The following ARMH4 variants were observed in gnomAD, a reference collection of about 807,000 sequenced individuals.
ARMH4 encodes armadillo-like helical domain-containing protein 4.
ARMH4 carries 49 observed loss-of-function variants against 61.9 expected under a neutral mutation model. The observed-to-expected ratio is 0.79, with a 90% CI of 0.63 to 1.00. ARMH4 has a LOEUF of 1.00. Ranked by LOEUF, ARMH4 falls within the 50% of genes least tolerant of loss-of-function variation. ARMH4 has a pLI of 0.00. For missense variants in ARMH4, 934 were observed against 930.0 expected (o/e 1.00, Z -0.06); for synonymous variants, 368 against 341.5 (o/e 1.08, Z -0.85).
At chr14:58,103,842 G>A (rs1157197040) in intron 4 of ARMH4, among the ~76,000 whole-genome samples, 2 of 152,094 alleles carry the variant, frequency 1.3e-5, no homozygotes, top group Non-Finnish European at 2.9e-5. Flanking sequence ...TAAAACAATT[G>A]TGACTATATA....
chr14:58,002,687 T>C lies in ARMH4; in HGVS notation c.*2049A>G, dbSNP rs1373046159. 2 of 152,222 alleles carry C rather than the reference T, an allele frequency of 1.3e-5. No individual in the cohort carries two copies. Among genetic ancestry groups the C allele is most frequent in the African/African-American group, 2.4e-5 (1 of 41,464 alleles). 9.4% of individuals were successfully genotyped at this position (152,222 alleles called of 1,614,324 possible). ...ACACCATGCTCACTTACTCCCAACC[T>C]TAGAAACACTTACAGCAAAGGGCTG... is the stretch of plus-strand genomic sequence containing the variant. On this transcript the variant is annotated 3_prime_UTR_variant, in exon 8 of 8. Coordinates refer to ENST00000267485, the MANE Select transcript of ARMH4 (RefSeq NM_001001872.4).
intron 4 of ARMH4, among the ~76,000 whole-genome samples, chr14:58,104,346 C>G (rs926667896): frequency 2.0e-5 from 3 of 152,236 alleles, no homozygotes; most frequent in African/African-American, 7.2e-5. Flanking sequence ...CTTCACCCTT[C>G]AGCACTAAGC....
intron 4 of ARMH4, among the ~76,000 whole-genome samples, chr14:58,109,073 T>C (rs924332416): frequency 1.2e-4 from 18 of 152,348 alleles, no homozygotes; most frequent in African/African-American, 3.4e-4. Context: ...TTATCAGTTA[T>C]ATGGATTACA....
chr14:58,007,494 T>C (rs1252624543), intron 6 of ARMH4, among the ~76,000 whole-genome samples: 1 of 152,220 alleles, frequency 6.6e-6, no homozygotes, highest in Non-Finnish European at 1.5e-5. Flanking sequence ...ATCTCTCTTT[T>C]TTGTCTCCTC....
rs750946240 is a variant in ARMH4, at chr14:58,138,250, G to C, written c.1109C>G (p.Pro370Arg). 1 of 1,614,190 alleles carries C rather than the reference G, an allele frequency of 6.2e-7. No homozygotes were observed. Among genetic ancestry groups the C allele is most frequent in the South Asian group, 1.1e-5 (1 of 91,084 alleles). Reference sequence around the variant, plus strand: ...TGTGCCCGTGTGTGTTTCCCCTTCAGGCAGCCCCAGAGCCACCTGTGCAGC... The same window carrying C: ...TGTGCCCGTGTGTGTTTCCCCTTCACGCAGCCCCAGAGCCACCTGTGCAGC... ...TEAAQVALGL[P>R]EGETHTGTAL... Residue 370 changes from proline (P) to arginine (R), a missense_variant, in exon 2 of 8, where the codon CCT becomes CGT. By Grantham distance (103) the Pro-to-Arg change is moderately radical. Transcript: ENST00000267485.
At chr14:58,009,308 A>G (rs537152267) in intron 6 of ARMH4, among the ~76,000 whole-genome samples, 14 of 152,244 alleles carry the variant, frequency 9.2e-5, no homozygotes, top group Middle Eastern at 3.4e-3. Flanking sequence ...CCTCCCTTTT[A>G]AAAAGAAAGG....
At position 58,142,476 on chromosome 14, in the gene ARMH4, CTTTTCTTTTCTT is replaced by C. The variant is rs767835847; in HGVS notation, c.-56-3074_-56-3063del. Among the ~76,000 whole-genome samples, 44 of 151,832 alleles carry C rather than the reference CTTTTCTTTTCTT, an allele frequency of 2.9e-4. No homozygotes were observed. The Middle Eastern group carries it at 0.01, about 35-fold the overall frequency. ...TTTCTTTTCTTTTCTTTTCTCTTCT[CTTTTCTTTTCTT>C]TTTTCTTTTCTTTTTGAGATGGAGT... On this transcript the variant is annotated intron_variant, in intron 1 of 7. Coordinates refer to ENST00000267485, the MANE Select transcript of ARMH4 (RefSeq NM_001001872.4).
chr14:58,004,907 G>A, intron 7 of ARMH4, 103 bp from the exon 8 acceptor site: 6 of 1,516,850 alleles, frequency 4.0e-6, no homozygotes, highest in South Asian at 1.2e-5. Flanking sequence ...AGCCAAGGCA[G>A]GAGCTACAGC....
At chr14:58,094,112 C>T (rs533843443) in intron 5 of ARMH4, among the ~76,000 whole-genome samples, 17 of 152,044 alleles carry the variant, frequency 1.1e-4, no homozygotes, top group Non-Finnish European at 2.4e-4. Flanking sequence ...GGCAGATCAC[C>T]TAAGGTCAGG....
chr14:58,138,375 G>C lies in ARMH4; in HGVS notation c.984C>G (p.Pro328=), dbSNP rs373316966. 12 of 1,614,082 alleles carry C rather than the reference G, an allele frequency of 7.4e-6. No homozygotes were observed. The highest frequency in any genetic ancestry group is 1.0e-5 in the Non-Finnish European group (12 of 1,180,052). ...KLESVSRIRT[P]KLGDNEETQV... is the part of the protein sequence containing the mutation. The stretch of plus-strand genomic sequence containing the variant: ...GAGTCTCTTCATTGTCTCCAAGCTT[G>C]GGGGTCCTTATCCGGCTTACACTCT... The change falls in exon 2 of 8, where the codon CCC becomes CCG. Residue 328 remains proline, a synonymous_variant. Coordinates refer to ENST00000267485, the MANE Select transcript of ARMH4 (RefSeq NM_001001872.4).
chr14:58,115,736 T>G (rs951473657), intron 4 of ARMH4, among the ~76,000 whole-genome samples: 6 of 152,030 alleles, frequency 3.9e-5, no homozygotes, highest in African/African-American at 2.4e-5. Flanking sequence ...TATGCAGCCA[T>G]AAAAAATCAT....
intron 5 of ARMH4, among the ~76,000 whole-genome samples, chr14:58,022,977 A>C (rs1048604891): frequency 6.6e-6 from 1 of 152,236 alleles, no homozygotes; most frequent in African/African-American, 2.4e-5. Flanking sequence ...AAATAAACAC[A>C]TCCATACTTT....
At chr14:58,019,498 C>T (rs1594694284) in intron 5 of ARMH4, among the ~76,000 whole-genome samples, 1 of 152,072 alleles carries the variant, frequency 6.6e-6, no homozygotes, top group Non-Finnish European at 1.5e-5. Flanking sequence ...GTATACGAGT[C>T]CCAGGTGTAG....
At chr14:58,029,853 G>C (rs1165491978) in intron 5 of ARMH4, among the ~76,000 whole-genome samples, 1 of 152,030 alleles carries the variant, frequency 6.6e-6, no homozygotes, top group Non-Finnish European at 1.5e-5. Context: ...CCACTGTTAG[G>C]TATATACTCA....
intron 5 of ARMH4, among the ~76,000 whole-genome samples, chr14:58,071,171 A>T (rs1296840035): frequency 6.7e-6 from 1 of 150,166 alleles, no homozygotes; most frequent in African/African-American, 2.4e-5. Context: ...TATTATATAC[A>T]ATAGTACGGG....
chr14:58,125,881 G>A (rs866488006), intron 4 of ARMH4, among the ~76,000 whole-genome samples: 1 of 152,190 alleles, frequency 6.6e-6, no homozygotes, highest in South Asian at 2.1e-4. Context: ...AGCTGGGAAG[G>A]TGACCACGTC....
chr14:58,062,659 T>A (rs911755723), intron 5 of ARMH4, among the ~76,000 whole-genome samples: 1 of 152,250 alleles, frequency 6.6e-6, no homozygotes, highest in African/African-American at 2.4e-5. Flanking sequence ...TTAACTTTTT[T>A]AATCCTGACA....
At chr14:58,058,310 C>T (rs1163023391) in intron 5 of ARMH4, among the ~76,000 whole-genome samples, 2 of 152,044 alleles carry the variant, frequency 1.3e-5, no homozygotes, top group Non-Finnish European at 2.9e-5. Flanking sequence ...GGGGAAAAGT[C>T]TGTACATATT....
chr14:58,069,352 C>A (rs905522377), intron 5 of ARMH4, among the ~76,000 whole-genome samples: 6 of 152,144 alleles, frequency 3.9e-5, no homozygotes, highest in African/African-American at 1.4e-4. Context: ...ATGAATATGG[C>A]ATAAATTTTC....
Sources: allele counts gnomAD v4.1 joint callset (sites outside exome capture counted in the v4.1 genomes callset), GRCh38; gene constraint gnomAD v4.1.1; transcripts MANE v1.5; gene names NCBI Gene and HGNC (gene_info 2026-07-23, HGNC 2026-07-21).